The following SHOX variants were observed in gnomAD, a reference collection of about 807,000 sequenced individuals.
SHOX encodes the protein short stature homeobox protein.
Under a neutral mutation model 29.6 loss-of-function variants are expected in SHOX, and 12 were observed. The ratio of observed to expected loss-of-function variants is 0.41; its 90% CI spans 0.26 to 0.66. The LOEUF is 0.66. Among genes scored for constraint, SHOX ranks in the 30% least tolerant of loss-of-function variants. SHOX has a pLI of 0.35. For synonymous variants in SHOX, 214 were observed against 200.6 expected (o/e 1.07, Z -0.57); for missense variants, 499 against 437.7 (o/e 1.14, Z -1.25).
chrX:641,712 C>T (rs1184171690), intron 4 of SHOX, among the ~76,000 whole-genome samples: 1 of 149,326 alleles, frequency 6.7e-6, no homozygotes, highest in Non-Finnish European at 1.5e-5. Flanking sequence ...AAAAATCAGG[C>T]TGTAAAAATC....
chrX:625,662 T>G (rs1374529361), intron 1 of SHOX, among the ~76,000 whole-genome samples: 1 of 138,866 alleles, frequency 7.2e-6, no homozygotes, highest in Non-Finnish European at 1.5e-5. Flanking sequence ...TCTCTCTGTC[T>G]TCGTTCCTCT....
At chrX:624,650 C>T (rs1169585828) in intron 1 of SHOX, 1 of 151,898 alleles carries the variant, frequency 6.6e-6, no homozygotes, top group African/African-American at 2.4e-5. Context: ...AAAGCTTTGC[C>T]TTCTTTCCTT....
At chrX:651,894 C>T (rs767217576), downstream of SHOX, among the ~76,000 whole-genome samples, 24 of 152,158 alleles carry the variant, frequency 1.6e-4, no homozygotes, top group Non-Finnish European at 2.8e-4. Context: ...GTCAGAGCTG[C>T]TAATTCTCCA....
intron 1 of SHOX, among the ~76,000 whole-genome samples, chrX:631,718 G>C (rs772391605): frequency 1.3e-5 from 2 of 152,312 alleles, no homozygotes; most frequent in South Asian, 4.1e-4. Flanking sequence ...TTTTAGTAAA[G>C]ACGGGGATTC....
Position 644,479 on chromosome X carries a change from TC to T in SHOX, c.728del (p.Pro243ArgfsTer164), listed in dbSNP as rs757845999. On this transcript the variant is annotated frameshift_variant, in exon 5 of 5. Coordinates refer to ENST00000686671, the MANE Select transcript of SHOX (RefSeq NM_000451.4). LOFTEE classifies it high-confidence loss of function. ...GCGGCGCACGCGCCCTACCTGATGT[TC>T]CCCCCGCCGCCCTTCGGGCTGCCCA... ...HLAAHAPYLM[F>X]PPPPFGLPIA... 5 of 1,522,306 alleles carry T rather than the reference TC, an allele frequency of 3.3e-6. No individual in the cohort carries two copies. Among genetic ancestry groups the T allele is most frequent in the East Asian group, 2.6e-5 (1 of 39,158 alleles). The allele number at this position is 1,522,306 out of a possible 1,614,324, so 94.3% of individuals were successfully genotyped here. A position where few individuals can be genotyped will look rare whatever the true frequency, so the allele number is the denominator to read the frequency against.
chrX:642,587 T>G (rs2052875017), intron 4 of SHOX, among the ~76,000 whole-genome samples: 1 of 152,206 alleles, frequency 6.6e-6, no homozygotes, highest in Non-Finnish European at 1.5e-5. Context: ...GTACCTGGCC[T>G]TGAGGTGGGG....
intron 1 of SHOX, among the ~76,000 whole-genome samples, chrX:633,002 G>A (rs2052677586): frequency 6.6e-6 from 1 of 152,164 alleles, no homozygotes. Flanking sequence ...CCTTTCGAAA[G>A]TGAGAGGAAA....
chrX:629,577 C>T (rs1480356534), upstream of SHOX, among the ~76,000 whole-genome samples: 1 of 152,066 alleles, frequency 6.6e-6, no homozygotes, highest in East Asian at 1.9e-4. Context: ...CTCTCCCTGT[C>T]TGTCTCTCTC....
chrX:644,456 G>T lies in SHOX; in HGVS notation c.699G>T (p.Ala233=). ...ACCCGCACCTGCACCCGCACCTGGC[G>T]GCGCACGCGCCCTACCTGATGTTCC... The part of the protein sequence containing the change: ...HAHPHLHPHL[A]AHAPYLMFPP... The change falls in exon 5 of 5, where the codon GCG becomes GCT. Residue 233 remains alanine (A), a synonymous_variant. Transcript: ENST00000686671. 6.6e-7 allele frequency: 1 copy of T among 1,522,552 alleles called. No individual in the cohort carries two copies. 94.3% of individuals were successfully genotyped at this position (1,522,552 alleles called of 1,614,324 possible). A position where few individuals can be genotyped will look rare whatever the true frequency, so the allele number is the denominator to read the frequency against.
chrX:629,426 T>G (rs764677998), upstream of SHOX, among the ~76,000 whole-genome samples: 49 of 151,962 alleles, frequency 3.2e-4, no homozygotes, highest in Non-Finnish European at 5.2e-4. Context: ...TTTCCCCCTC[T>G]GTCTCTTTCT....
rs913052495 is a variant in SHOX, at chrX:645,504, A to G, written c.*868A>G. The G allele has an allele frequency of 4.9e-5, 7 of 143,738 alleles. No individual in the cohort carries two copies. The highest frequency in any genetic ancestry group is 1.0e-4 in the Non-Finnish European group (7 of 67,228). The allele number at this position is 143,738 out of a possible 1,614,324, so 8.9% of individuals were successfully genotyped here. On this transcript the variant is annotated 3_prime_UTR_variant, in exon 5 of 5. Transcript: ENST00000686671. Reference sequence around the variant, plus strand: ...GCAAGGTGTCATACTGATATGCAGCATTAACTTTACTGACATGGAGTGAAG... The same window carrying G: ...GCAAGGTGTCATACTGATATGCAGCGTTAACTTTACTGACATGGAGTGAAG...
Position 650,497 on chromosome X carries a change from C to T in SHOX, c.*5861C>T, listed in dbSNP as rs938585807. Among the ~76,000 whole-genome samples, 3 of 152,042 alleles carry T rather than the reference C, an allele frequency of 2.0e-5. No homozygotes were observed. The highest frequency in any genetic ancestry group is 3.9e-4 in the East Asian group (2 of 5,178). On this transcript the variant is annotated 3_prime_UTR_variant, in exon 5 of 5. Coordinates refer to ENST00000686671, the MANE Select transcript of SHOX (RefSeq NM_000451.4). ...GCGTTTAACCGAAATGAAGCCGAGA[C>T]GGGTTTCAGGTTTTGGTGCCAAGCT...
rs2124194444 is a variant in SHOX at position 644,565 on chromosome X, A to C, written c.808A>C (p.Asn270His). The C allele has an allele frequency of 6.6e-7, 1 of 1,517,774 alleles. No individual in the cohort carries two copies. Among genetic ancestry groups the C allele is most frequent in the Admixed American group, 2.0e-5 (1 of 49,686 alleles). The allele number at this position is 1,517,774 out of a possible 1,614,324, so 94.0% of individuals were successfully genotyped here. The change falls in exon 5 of 5, where the codon AAC (asparagine) becomes CAC (histidine). Residue 270 changes from asparagine to histidine, a missense_variant. Transcript: ENST00000686671. ...AAVVAAAAKS[N>H]SKNSSIADLR... ...CGTGGTCGCCGCCGCCGCCAAAAGCAACAGCAAGAATTCCAGCATCGCCGA... is the reference window on the plus strand; with the variant it reads ...CGTGGTCGCCGCCGCCGCCAAAAGCCACAGCAAGAATTCCAGCATCGCCGA...
intron 4 of SHOX, among the ~76,000 whole-genome samples, chrX:642,840 G>A (rs73607274): frequency 8.2e-4 from 125 of 151,744 alleles, no homozygotes; most frequent in African/African-American, 2.8e-3. Flanking sequence ...AGGGCCTTTG[G>A]GACCTGGTGT....
At position 641,065 on chromosome X, in the gene SHOX, C is replaced by T. The variant is rs763473105; in HGVS notation, c.611C>T (p.Ala204Val). Residue 204 changes from alanine to valine, a missense_variant, in exon 4 of 5, where the codon GCC becomes GTC. Transcript: ENST00000686671. ...GTGGCACCCTACGTCAACATGGGAG[C>T]CTTACGGATGCCTTTCCAACAGGTA... ...CRVAPYVNMG[A>V]LRMPFQQVQA... 2.0e-5 allele frequency: 33 copies of T among 1,613,710 alleles called. No individual in the cohort carries two copies. The highest frequency in any genetic ancestry group is 2.7e-5 in the Non-Finnish European group (32 of 1,179,852).
At chrX:658,762 A>C (rs28489643) in intron 5 of SHOX, 38,978 of 374,488 alleles carry the variant, frequency 0.1, 3,234 homozygotes, top group East Asian at 0.41. Context: ...GAGCCACTGC[A>C]CTTGGCCTTT....
rs1183846758 is a variant in SHOX at position 650,539 on chromosome X, G to C, written c.*5903G>C. Among the ~76,000 whole-genome samples the C allele has an allele frequency of 6.6e-6, 1 of 151,882 alleles. No homozygotes were observed. Among genetic ancestry groups the C allele is most frequent in the African/African-American group, 2.4e-5 (1 of 41,358 alleles). On this transcript the variant is annotated 3_prime_UTR_variant, in exon 5 of 5. Coordinates refer to ENST00000686671, the MANE Select transcript of SHOX (RefSeq NM_000451.4). ...TGCCAAGCTCTGGTCAGGATGAAAG[G>C]GAAATACCAGAGTCCTCTGTCCTCG...
chrX:643,208 GA>G (rs2052892852), intron 4 of SHOX, among the ~76,000 whole-genome samples: 1 of 147,874 alleles, frequency 6.8e-6, no homozygotes, highest in Non-Finnish European at 1.5e-5. Context: ...GGTGTCTCTG[GA>G]AGAGGCTTGG....
rs559504876 is a variant in SHOX, at chrX:650,086, C to T, written c.*5450C>T. ...AGAAAAATGCACCTTCTCTGGTGGC[C>T]GTTGGGGTGTTGTTTCACAGGCAGT... On this transcript the variant is annotated 3_prime_UTR_variant, in exon 5 of 5. Coordinates refer to ENST00000686671, the MANE Select transcript of SHOX (RefSeq NM_000451.4). 1.0e-4 allele frequency: 46 copies of T among 448,776 alleles called. No homozygotes were observed. The highest frequency in any genetic ancestry group is 4.1e-4 in the South Asian group (26 of 63,020). The allele number at this position is 448,776 out of a possible 1,614,324, so 27.8% of individuals were successfully genotyped here. A position where few individuals can be genotyped will look rare whatever the true frequency, so the allele number is the denominator to read the frequency against.
Sources: allele counts gnomAD v4.1 joint callset (sites outside exome capture counted in the v4.1 genomes callset), GRCh38; gene constraint gnomAD v4.1.1; transcripts MANE v1.5; gene names NCBI Gene and HGNC (gene_info 2026-07-23, HGNC 2026-07-21).